Variants in DST observed in about 807,000 individuals in gnomAD.
DST encodes the protein dystonin.
Under a neutral mutation model 875.2 loss-of-function variants are expected in DST, and 253 were observed. The observed-to-expected ratio is 0.29, with a 90% confidence interval of 0.26 to 0.32. The LOEUF (loss-of-function observed/expected upper bound fraction) is 0.32, where lower values mean the gene tolerates loss of function less well. DST is among the 10% of genes least tolerant of loss of function. The pLI is 1.00. For missense variants in DST, 8,287 were observed against 9,111.6 expected, an observed-to-expected ratio of 0.91 and a Z score of 3.68; for synonymous variants, 3,124 against 3,197.1, an observed-to-expected ratio of 0.98 and a Z score of 0.77.
At chr6:56,823,554 G>A (rs1277069246) in intron 4 of DST, among the ~76,000 whole-genome samples, 1 of 152,076 alleles carries the variant, frequency 6.6e-6, no homozygotes, top group Non-Finnish European at 1.5e-5. Flanking sequence ...GGGACTACAG[G>A]TGCACGCCAC....
chr6:56,593,907 T>A lies in DST; in HGVS notation c.12482A>T (p.Glu4161Val), dbSNP rs1586015181. ...QQSEQELENLEAGADDINGLM... is the reference protein window; with the variant it reads ...QQSEQELENLVAGADDINGLM... ...ACCATTGATGTCATCTGCACCTGCC[T>A]CCAGGTTTTCAAGTTCTTGTTCTGA... Residue 4161 changes from glutamate (E) to valine (V), a missense_variant, in exon 48 of 104, where the codon GAG becomes GTG. Around this residue, in one of 10 missense-constraint regions of DST, gnomAD observed 1,513 missense variants for 1,677.8 expected, o/e 0.90. Transcript: ENST00000680361. The A allele has an allele frequency of 6.2e-7, 1 of 1,613,798 alleles. No individual in the cohort carries two copies. The highest frequency in any genetic ancestry group is 1.7e-4 in the Middle Eastern group (1 of 6,058).
chr6:56,498,069 T>C lies in DST; in HGVS notation c.19897-16A>G, dbSNP rs1259927187. The C allele has an allele frequency of 6.2e-7, 1 of 1,603,998 alleles. No homozygotes were observed. The highest frequency in any genetic ancestry group is 8.5e-7 in the Non-Finnish European group (1 of 1,173,432). ...TTTGGAGCACCTGAAAATATAAAGA[T>C]AACACCATGTTTGCTAGTTTGTAAC... On this transcript the variant is annotated splice_polypyrimidine_tract_variant and intron_variant, in intron 80 of 103. Transcript: ENST00000680361.
At chr6:56,831,821 G>A (rs929380937) in intron 4 of DST, among the ~76,000 whole-genome samples, 8 of 151,966 alleles carry the variant, frequency 5.3e-5, no homozygotes, top group African/African-American at 1.9e-4. Context: ...TGGGTATGAG[G>A]GAATAGAGAA....
chr6:56,851,031 T>A, intron 4 of DST: 1 of 232,406 alleles, frequency 4.3e-6, no homozygotes. Context: ...AAATAAAGGC[T>A]GCTCACTTCC....
chr6:56,596,429 A>G (rs995001494), intron 47 of DST, among the ~76,000 whole-genome samples: 1 of 152,156 alleles, frequency 6.6e-6, no homozygotes, highest in Non-Finnish European at 1.5e-5. Flanking sequence ...TTCCTGTGTG[A>G]TATCTTTATG....
intron 102 of DST, chr6:56,461,399 C>G (rs953380542): frequency 6.6e-6 from 1 of 152,094 alleles, no homozygotes; most frequent in Non-Finnish European, 1.5e-5. Context: ...CATGATTTGC[C>G]CAAGATCTGA....
At chr6:56,674,354 G>A (rs1460101280) in intron 9 of DST, among the ~76,000 whole-genome samples, 3 of 151,552 alleles carry the variant, frequency 2.0e-5, no homozygotes, top group Admixed American at 1.3e-4. Context: ...ATGGAGTGCA[G>A]TGGCACCATC....
At chr6:56,953,507 G>A (rs1823430602) in intron 2 of DST, among the ~76,000 whole-genome samples, 1 of 152,186 alleles carries the variant, frequency 6.6e-6, no homozygotes, top group Non-Finnish European at 1.5e-5. Context: ...AAACTCAAGT[G>A]ACATCCACCC....
intron 4 of DST, among the ~76,000 whole-genome samples, chr6:56,838,926 A>G (rs897410097): frequency 1.3e-5 from 2 of 152,270 alleles, no homozygotes; most frequent in Non-Finnish European, 2.9e-5. Context: ...GATTGTTAAT[A>G]TGTATCCAAA....
intron 89 of DST, 95 bp from the exon 90 acceptor site, chr6:56,482,273 T>G: frequency 7.4e-7 from 1 of 1,345,802 alleles, no homozygotes; most frequent in Non-Finnish European, 9.7e-7. Context: ...ATCCCTTCAA[T>G]GAAAAAAAAA....
In DST at chr6:56,708,331, A is replaced by C. The variant is rs150158990; in HGVS notation, c.688-3962T>G. On this transcript the variant is annotated intron_variant, in intron 5 of 103. Coordinates refer to ENST00000680361, the MANE Select transcript of DST (RefSeq NM_001374736.1). ...AAAAATCAATGACCTGTCAACTTAGAAAATGTATAAAATAAAAGCTACTCT... is the reference window on the plus strand; with the variant it reads ...AAAAATCAATGACCTGTCAACTTAGCAAATGTATAAAATAAAAGCTACTCT... 7.5e-3 allele frequency among the ~76,000 whole-genome samples: 1,144 copies of C among 152,330 alleles called. 14 individuals carry two copies. Among genetic ancestry groups the C allele is most frequent in the African/African-American group, 0.026 (1,100 of 41,582 alleles).
At chr6:56,883,989 G>A (rs1783418331) in intron 3 of DST, among the ~76,000 whole-genome samples, 1 of 152,118 alleles carries the variant, frequency 6.6e-6, no homozygotes, top group Non-Finnish European at 1.5e-5. Context: ...AAATTAGCCA[G>A]GCTTGGTGGC....
chr6:56,787,941 C>A (rs2099708395), intron 4 of DST, among the ~76,000 whole-genome samples: 1 of 151,390 alleles, frequency 6.6e-6, no homozygotes, highest in Admixed American at 6.6e-5. Context: ...GAGTTCAAGA[C>A]CAGCCTGGCC....
intron 36 of DST, 162 bp from the exon 37 acceptor site, chr6:56,614,646 A>G (rs1387223928): frequency 7.9e-7 from 1 of 1,259,774 alleles, no homozygotes; most frequent in Non-Finnish European, 1.0e-6. Flanking sequence ...CATGTCACAT[A>G]GCAGATGCAC....
chr6:56,708,839 A>G (rs2099351334), intron 5 of DST, among the ~76,000 whole-genome samples: 1 of 152,236 alleles, frequency 6.6e-6, no homozygotes, highest in Admixed American at 6.5e-5. Context: ...GCCTACATAG[A>G]AAAGCTTTTA....
intron 4 of DST, among the ~76,000 whole-genome samples, chr6:56,846,651 A>G (rs990966687): frequency 5.3e-5 from 8 of 152,172 alleles, no homozygotes; most frequent in African/African-American, 1.9e-4. Context: ...TAAACATACT[A>G]TAGTCTCAGA....
chr6:56,619,437 G>A, intron 36 of DST: 1 of 1,612,268 alleles, frequency 6.2e-7, no homozygotes, highest in Non-Finnish European at 8.5e-7. Context: ...TTCTCAAATT[G>A]TTCTTTTAGA....
intron 3 of DST, among the ~76,000 whole-genome samples, chr6:56,893,485 A>G (rs150195748): frequency 0.044 from 6,392 of 145,672 alleles, 424 homozygotes; most frequent in African/African-American, 0.15. Flanking sequence ...TATATTTTTC[A>G]TATAATGACT....
intron 58 of DST, among the ~76,000 whole-genome samples, chr6:56,559,225 T>C (rs1332744983): frequency 2.6e-5 from 4 of 152,084 alleles, no homozygotes; most frequent in Admixed American, 1.3e-4. Context: ...GAAAAACTCA[T>C]CCAGAAGGTT....
Sources: allele counts gnomAD v4.1 joint callset (sites outside exome capture counted in the v4.1 genomes callset), GRCh38; gene constraint gnomAD v4.1.1; regional missense constraint gnomAD v4.1.1; transcripts MANE v1.5; gene names NCBI Gene and HGNC (gene_info 2026-07-23, HGNC 2026-07-21).